The following PTPRM variants were observed in gnomAD, a reference collection of about 807,000 sequenced individuals.
PTPRM encodes protein tyrosine phosphatase receptor type M, also known as receptor-type tyrosine-protein phosphatase mu.
In PTPRM, 47 loss-of-function variants were observed where a neutral mutation model predicts 186.7. That is an observed-to-expected ratio of 0.25 (90% CI 0.20 to 0.32). PTPRM has a LOEUF of 0.32. Among genes scored for constraint, PTPRM ranks in the 10% least tolerant of loss-of-function variants. PTPRM has a pLI of 1.00. For missense variants in PTPRM, 1,494 were observed against 1,865.0 expected (o/e 0.80, Z 3.66); for synonymous variants, 668 against 674.9 (o/e 0.99, Z 0.16).
In PTPRM at chr18:8,069,953, G is replaced by A. The variant is rs370645353; in HGVS notation, c.1400G>A (p.Arg467Gln). Residue 467 changes from arginine to glutamine, a missense_variant, in exon 8 of 33, where the codon CGG becomes CAG. Transcript: ENST00000580170. ...VKLILMNPEG[R>Q]KESQELIVQT... ...CTGATCCTCATGAACCCAGAGGGCCGGAAGGAAAGCCAAGAACTCATAGTG... is the reference window on the plus strand; with the variant it reads ...CTGATCCTCATGAACCCAGAGGGCCAGAAGGAAAGCCAAGAACTCATAGTG... The A allele has an allele frequency of 3.7e-6, 6 of 1,613,938 alleles. No individual in the cohort carries two copies. Among genetic ancestry groups the A allele is most frequent in the East Asian group, 2.2e-5 (1 of 44,872 alleles).
At chr18:7,781,446 T>C (rs553125229) in intron 2 of PTPRM, among the ~76,000 whole-genome samples, 1 of 152,140 alleles carries the variant, frequency 6.6e-6, no homozygotes, top group South Asian at 2.1e-4. Flanking sequence ...AATACACTGA[T>C]TTTTTTTCTC....
chr18:8,277,747 T>G (rs2094852979), intron 19 of PTPRM, among the ~76,000 whole-genome samples: 1 of 152,252 alleles, frequency 6.6e-6, no homozygotes, highest in South Asian at 2.1e-4. Context: ...GTGTTTCACA[T>G]TCTCATGGCA....
intron 7 of PTPRM, among the ~76,000 whole-genome samples, chr18:8,007,967 T>A (rs1476586908): frequency 2.6e-5 from 4 of 152,194 alleles, no homozygotes; most frequent in African/African-American, 9.7e-5. Flanking sequence ...GAAGGTGCCT[T>A]CCCGCTTGTG....
At chr18:8,164,847 T>A (rs1303218282) in intron 14 of PTPRM, among the ~76,000 whole-genome samples, 1 of 152,078 alleles carries the variant, frequency 6.6e-6, no homozygotes, top group Non-Finnish European at 1.5e-5. Context: ...AATGGTAAAT[T>A]TTAAGTTATA....
At chr18:8,099,087 A>G (rs2091156799) in intron 11 of PTPRM, among the ~76,000 whole-genome samples, 1 of 150,554 alleles carries the variant, frequency 6.6e-6, no homozygotes, top group African/African-American at 2.5e-5. Flanking sequence ...TCTCTCTTTT[A>G]TCTTCCCTCT....
intron 22 of PTPRM, among the ~76,000 whole-genome samples, chr18:8,334,384 C>G (rs1033252861): frequency 6.6e-6 from 1 of 152,176 alleles, no homozygotes; most frequent in South Asian, 2.1e-4. Flanking sequence ...AGCCTCATTG[C>G]CACACTGGGG....
intron 14 of PTPRM, among the ~76,000 whole-genome samples, chr18:8,144,972 T>C (rs2092847910): frequency 6.6e-6 from 1 of 152,150 alleles, no homozygotes; most frequent in African/African-American, 2.4e-5. Flanking sequence ...GATCTGGTCA[T>C]GGAAGGAGGT....
At chr18:8,086,425 T>C (rs2090439484) in intron 10 of PTPRM, among the ~76,000 whole-genome samples, 1 of 152,162 alleles carries the variant, frequency 6.6e-6, no homozygotes, top group African/African-American at 2.4e-5. Flanking sequence ...TTTCTAGGCA[T>C]GTTCAACTGT....
chr18:7,781,975 G>T (rs1304396499), intron 2 of PTPRM, among the ~76,000 whole-genome samples: 2 of 152,140 alleles, frequency 1.3e-5, no homozygotes, highest in Non-Finnish European at 2.9e-5. Flanking sequence ...GTCTTACTCA[G>T]ACCACCTTGG....
chr18:7,676,498 T>C (rs1307784975), intron 1 of PTPRM, among the ~76,000 whole-genome samples: 1 of 152,036 alleles, frequency 6.6e-6, no homozygotes, highest in Non-Finnish European at 1.5e-5. Context: ...ATAGTGATGT[T>C]TTTAGCTCAG....
At chr18:7,709,481 A>T (rs2040166913) in intron 1 of PTPRM, among the ~76,000 whole-genome samples, 1 of 152,162 alleles carries the variant, frequency 6.6e-6, no homozygotes, top group Admixed American at 6.5e-5. Context: ...AGATAACCTA[A>T]TGTCACACCT....
intron 31 of PTPRM, among the ~76,000 whole-genome samples, chr18:8,391,228 C>T (rs146974557): frequency 2.0e-5 from 3 of 152,254 alleles, no homozygotes; most frequent in South Asian, 4.2e-4. Context: ...TAAACATATA[C>T]GCAGTCTGAG....
intron 1 of PTPRM, among the ~76,000 whole-genome samples, chr18:7,728,915 T>A (rs1428100920): frequency 6.6e-6 from 1 of 151,834 alleles, no homozygotes; most frequent in African/African-American, 2.4e-5. Context: ...AAAATTAATT[T>A]TCCTCCAACC....
At chr18:7,615,347 A>C (rs909238541) in intron 1 of PTPRM, among the ~76,000 whole-genome samples, 4 of 152,186 alleles carry the variant, frequency 2.6e-5, no homozygotes, top group Admixed American at 6.5e-5. Flanking sequence ...TTAGTTTTGC[A>C]TACACACATG....
chr18:8,131,152 G>A (rs1277165809), intron 13 of PTPRM, among the ~76,000 whole-genome samples: 5 of 152,180 alleles, frequency 3.3e-5, no homozygotes, highest in Non-Finnish European at 2.9e-5. Context: ...ATTCAAAATT[G>A]AACTTCTGGG....
At chr18:8,152,504 T>C (rs985845005) in intron 14 of PTPRM, among the ~76,000 whole-genome samples, 3 of 152,082 alleles carry the variant, frequency 2.0e-5, no homozygotes, top group African/African-American at 4.8e-5. Context: ...ATTACAACTG[T>C]TTTTCCCCAC....
chr18:8,357,665 C>T (rs1028386810), intron 23 of PTPRM, among the ~76,000 whole-genome samples: 3 of 152,148 alleles, frequency 2.0e-5, no homozygotes, highest in East Asian at 1.9e-4. Flanking sequence ...CCTTAGGCAA[C>T]GAAATGGCTA....
At chr18:8,392,440 C>A (rs943295299) in intron 31 of PTPRM, among the ~76,000 whole-genome samples, 2 of 151,964 alleles carry the variant, frequency 1.3e-5, no homozygotes, top group East Asian at 1.9e-4. Context: ...CTGGCTAACA[C>A]GGTGAAACCC....
At chr18:7,972,478 T>A (rs1048798494) in intron 7 of PTPRM, among the ~76,000 whole-genome samples, 121 of 7,994 alleles carry the variant, frequency 0.015, no homozygotes, top group Middle Eastern at 0.12. Context: ...AAAAAAAACA[T>A]TAAAAAAAAA....
Sources: allele counts gnomAD v4.1 joint callset (sites outside exome capture counted in the v4.1 genomes callset), GRCh38; gene constraint gnomAD v4.1.1; transcripts MANE v1.5; gene names NCBI Gene and HGNC (gene_info 2026-07-23, HGNC 2026-07-21).